PCNX2: variants seen among roughly 807,000 people sequenced by gnomAD.
The protein encoded by PCNX2 is pecanex-like protein 2.
A neutral mutation model predicts 223.8 loss-of-function variants in PCNX2; 168 were observed. The ratio of observed to expected loss-of-function variants is 0.75; its 90% CI spans 0.66 to 0.85. The LOEUF is 0.85. Ranked by LOEUF, PCNX2 falls within the 40% of genes least tolerant of loss-of-function variation. The pLI is 0.00. For synonymous variants in PCNX2, 1,006 were observed against 1,052.6 expected (o/e 0.96, Z 0.86); for missense variants, 2,507 against 2,675.5 (o/e 0.94, Z 1.39).
At chr1:233,040,804 C>T (rs2102857442) in intron 25 of PCNX2, among the ~76,000 whole-genome samples, 1 of 152,326 alleles carries the variant, frequency 6.6e-6, no homozygotes, top group Admixed American at 6.5e-5. Context: ...CTGCCATGAT[C>T]TCATCTTCCA....
rs555016080 is a variant in PCNX2 at position 233,067,714 on chromosome 1, C to T, written c.4077-10424G>A. Among the ~76,000 whole-genome samples, 4 of 152,228 alleles carry T rather than the reference C, an allele frequency of 2.6e-5. No homozygotes were observed. In the South Asian group the frequency reaches 6.2e-4, roughly 24 times the overall value. On this transcript the variant is annotated intron_variant, in intron 23 of 33. Transcript: ENST00000258229. Reference sequence around the variant, plus strand: ...TCTTGAACTCCTGAGCTCAAGTGATCCACCGGCCTCGGCCTCCCAAAGTGC... The same window carrying T: ...TCTTGAACTCCTGAGCTCAAGTGATTCACCGGCCTCGGCCTCCCAAAGTGC...
chr1:233,015,898 TAA>T (rs879667163), intron 27 of PCNX2, among the ~76,000 whole-genome samples: 2 of 139,152 alleles, frequency 1.4e-5, no homozygotes, highest in Non-Finnish European at 1.6e-5. Context: ...AAGTCAGCTT[TAA>T]AAAAAAAAAA....
At position 233,295,583 on chromosome 1, in the gene PCNX2, C is replaced by CCCGCCGTCGCCG. The variant is rs979408847; in HGVS notation, c.-117_-106dup. 4.2e-6 allele frequency: 5 copies of CCCGCCGTCGCCG among 1,198,040 alleles called. No individual in the cohort carries two copies. Among genetic ancestry groups the CCCGCCGTCGCCG allele is most frequent in the African/African-American group, 3.2e-5 (2 of 62,544 alleles). 74.2% of individuals were successfully genotyped at this position (1,198,040 alleles called of 1,614,324 possible). A position where few individuals can be genotyped will look rare whatever the true frequency, so the allele number is the denominator to read the frequency against. ...AACACCCGGGCCCGCGGGCCGCGCC[C>CCCGCCGTCGCCG]CCGCCGTCGCCGCCGCCGTCGCCCC... On this transcript the variant is annotated 5_prime_UTR_variant, in exon 1 of 34. Coordinates refer to ENST00000258229, the MANE Select transcript of PCNX2 (RefSeq NM_014801.4). This position sits in a 1 kb window ranked among gnomAD's most constrained non-coding sequence, Gnocchi z 4.1.
At chr1:233,238,685 T>C (rs558293083) in intron 8 of PCNX2, among the ~76,000 whole-genome samples, 11 of 103,356 alleles carry the variant, frequency 1.1e-4, no homozygotes, top group South Asian at 9.4e-4. Flanking sequence ...CAGAGTAAGA[T>C]CCTGTCTCAA....
chr1:233,243,549 GGTATT>G (rs1347762213), intron 8 of PCNX2, among the ~76,000 whole-genome samples: 1 of 152,156 alleles, frequency 6.6e-6, no homozygotes, highest in Non-Finnish European at 1.5e-5. Flanking sequence ...GAATACAACA[GGTATT>G]TAAGGGGAAT....
chr1:233,182,154 C>T (rs760852503), intron 15 of PCNX2, among the ~76,000 whole-genome samples: 1 of 152,124 alleles, frequency 6.6e-6, no homozygotes, highest in East Asian at 1.9e-4. Flanking sequence ...AATACCTACT[C>T]AATGGTTGTT....
At chr1:233,072,083 T>C (rs1672883260) in intron 23 of PCNX2, among the ~76,000 whole-genome samples, 1 of 152,246 alleles carries the variant, frequency 6.6e-6, no homozygotes, top group Non-Finnish European at 1.5e-5. Flanking sequence ...TTTTCTTCCA[T>C]TCTGTAGGTT....
intron 9 of PCNX2, among the ~76,000 whole-genome samples, chr1:233,230,397 T>G (rs1157782221): frequency 6.6e-6 from 1 of 152,032 alleles, no homozygotes; most frequent in South Asian, 2.1e-4. Flanking sequence ...CTGTAAGTGA[T>G]CTAAATAATG....
intron 8 of PCNX2, among the ~76,000 whole-genome samples, chr1:233,248,784 ACACGCCT>A (rs1468719967): frequency 2.0e-5 from 3 of 152,180 alleles, no homozygotes; most frequent in African/African-American, 7.2e-5. Flanking sequence ...CCACCAAGCC[ACACGCCT>A]CACAAGAAAG....
chr1:233,131,940 A>G (rs1402275612), intron 21 of PCNX2, among the ~76,000 whole-genome samples: 1 of 108,598 alleles, frequency 9.2e-6, no homozygotes, highest in Non-Finnish European at 1.9e-5. Context: ...TTCGTTTTAG[A>G]TCTTTTTTTT....
chr1:233,183,243 C>T (rs1679905507), intron 15 of PCNX2, among the ~76,000 whole-genome samples: 1 of 152,146 alleles, frequency 6.6e-6, no homozygotes, highest in South Asian at 2.1e-4. Flanking sequence ...GCCCATCCCC[C>T]ATGACACCTT....
chr1:233,065,874 T>C (rs910920498), intron 23 of PCNX2, among the ~76,000 whole-genome samples: 3 of 151,914 alleles, frequency 2.0e-5, no homozygotes, highest in Admixed American at 6.6e-5. Flanking sequence ...TAGGGGTGGG[T>C]CCCTGGTGAA....
At chr1:233,263,524 C>T (rs1405402038) in intron 1 of PCNX2, among the ~76,000 whole-genome samples, 7 of 148,702 alleles carry the variant, frequency 4.7e-5, no homozygotes, top group Non-Finnish European at 3.0e-5. Context: ...GGCAAGATCT[C>T]GGCTCACTGC....
At chr1:233,154,910 A>C (rs1230914083) in intron 19 of PCNX2, among the ~76,000 whole-genome samples, 1 of 152,038 alleles carries the variant, frequency 6.6e-6, no homozygotes, top group African/African-American at 2.4e-5. Flanking sequence ...CTCTACTAAA[A>C]GTACAAAAAT....
At chr1:233,291,846 A>T in intron 1 of PCNX2, 1 of 984,952 alleles carries the variant, frequency 1.0e-6, no homozygotes, top group South Asian at 4.7e-5. Context: ...AAAGAAAAGG[A>T]GGTTGGGAAC....
At chr1:233,155,426 A>T (rs2102810636) in intron 19 of PCNX2, among the ~76,000 whole-genome samples, 1 of 152,336 alleles carries the variant, frequency 6.6e-6, no homozygotes, top group Non-Finnish European at 1.5e-5. Flanking sequence ...ACTGGTTCAC[A>T]GGGCTTGGCA....
intron 13 of PCNX2, among the ~76,000 whole-genome samples, chr1:233,200,586 C>T (rs748244130): frequency 1.3e-5 from 2 of 151,752 alleles, no homozygotes; most frequent in Non-Finnish European, 2.9e-5. Flanking sequence ...ATGAAAGGAA[C>T]GCACACAAGG....
At chr1:233,199,259 A>G (rs1680916377) in intron 14 of PCNX2, among the ~76,000 whole-genome samples, 1 of 152,228 alleles carries the variant, frequency 6.6e-6, no homozygotes. Flanking sequence ...ATGCTTTACA[A>G]TGTTCTTAAA....
intron 28 of PCNX2, among the ~76,000 whole-genome samples, chr1:233,013,942 G>A (rs1201059847): frequency 6.6e-6 from 1 of 151,538 alleles, no homozygotes; most frequent in Non-Finnish European, 1.5e-5. Flanking sequence ...GGCAGACAGA[G>A]TTCAGCACCA....
Sources: allele counts gnomAD v4.1 joint callset (sites outside exome capture counted in the v4.1 genomes callset), GRCh38; gene constraint gnomAD v4.1.1; non-coding constraint Gnocchi (gnomAD v3.1); transcripts MANE v1.5; gene names NCBI Gene and HGNC (gene_info 2026-07-23, HGNC 2026-07-21).